The following TENM3 variants were observed in gnomAD, a reference collection of about 807,000 sequenced individuals.
TENM3 encodes teneurin-3.
Under a neutral mutation model 255.1 loss-of-function variants are expected in TENM3, and 63 were observed. The ratio of observed to expected loss-of-function variants is 0.25; its 90% confidence interval spans 0.20 to 0.30. The LOEUF (loss-of-function observed/expected upper bound fraction) is 0.30, where lower values mean the gene tolerates loss of function less well. TENM3 is among the 10% of genes least tolerant of loss of function. The probability of loss-of-function intolerance (pLI) is 1.00; values close to 1 mark genes in which losing one functional copy is unlikely to be tolerated. For missense variants in TENM3, 2,929 were observed against 3,461.1 expected (o/e 0.85, Z 3.86); for synonymous variants, 1,306 against 1,322.3 (o/e 0.99, Z 0.27).
chr4:182,497,721 GTCCATTAGCTGTCAAGT>G (rs1248545908), intron 3 of TENM3, among the ~76,000 whole-genome samples: 1 of 151,882 alleles, frequency 6.6e-6, no homozygotes, highest in East Asian at 1.9e-4. Flanking sequence ...AATCATATCA[GTCCATTAGCTGTCAAGT>G]TTTATTCTTC....
At chr4:181,654,788 G>T in the TENM3 span, among the ~76,000 whole-genome samples, 1 of 147,150 alleles carries the variant, frequency 6.8e-6, no homozygotes, top group Non-Finnish European at 1.5e-5. Context: ...GTGGTCCTCA[G>T]ATCACTCACC....
At chr4:181,495,560 AG>A in the TENM3 span, among the ~76,000 whole-genome samples, 2 of 75,104 alleles carry the variant, frequency 2.7e-5, no homozygotes, top group Non-Finnish European at 6.3e-5. Flanking sequence ...TATACACGAG[AG>A]AGAGAGAGAG....
the TENM3 span, among the ~76,000 whole-genome samples, chr4:182,137,900 C>T: frequency 6.6e-6 from 1 of 152,148 alleles, no homozygotes; most frequent in Non-Finnish European, 1.5e-5. Context: ...CTATAGAATT[C>T]TGTTGTATTC....
the TENM3 span, among the ~76,000 whole-genome samples, chr4:181,653,385 ATTGTT>A: frequency 1.6e-3 from 245 of 150,016 alleles, 1 homozygote; most frequent in African/African-American, 5.1e-3. Context: ...GGTCCAATCC[ATTGTT>A]TTGTTTTGTT....
chr4:182,102,423 C>A, the TENM3 span, among the ~76,000 whole-genome samples: 14 of 152,202 alleles, frequency 9.2e-5, no homozygotes, highest in African/African-American at 3.1e-4. Flanking sequence ...ATTAAGTGAT[C>A]AATTACTGGC....
chr4:182,168,874 A>G (rs187664578), intron 1 of TENM3, among the ~76,000 whole-genome samples: 1 of 152,080 alleles, frequency 6.6e-6, no homozygotes. Flanking sequence ...CTTCTGAAAA[A>G]AATTCATGTA....
chr4:181,600,336 G>C, the TENM3 span, among the ~76,000 whole-genome samples: 3 of 152,094 alleles, frequency 2.0e-5, no homozygotes, highest in Non-Finnish European at 4.4e-5. Flanking sequence ...AGGATAAATG[G>C]AGGCTCGCAC....
intron 3 of TENM3, among the ~76,000 whole-genome samples, chr4:182,598,784 T>G (rs1233326240): frequency 6.6e-6 from 1 of 152,202 alleles, no homozygotes; most frequent in African/African-American, 2.4e-5. Flanking sequence ...ACAATTGCAC[T>G]AAGACCTGGA....
At chr4:182,054,425 T>C in the TENM3 span, among the ~76,000 whole-genome samples, 1 of 152,198 alleles carries the variant, frequency 6.6e-6, no homozygotes, top group South Asian at 2.1e-4. Flanking sequence ...ATTACATAGT[T>C]ACCAAGTGTG....
chr4:182,682,506 TAAGAC>T (rs1181881800), intron 11 of TENM3, among the ~76,000 whole-genome samples: 1 of 152,150 alleles, frequency 6.6e-6, no homozygotes, highest in East Asian at 1.9e-4. Flanking sequence ...ATAATAGAAA[TAAGAC>T]AAGGTAATTT....
chr4:182,417,985 C>A (rs1447962919), intron 3 of TENM3, among the ~76,000 whole-genome samples: 2 of 151,564 alleles, frequency 1.3e-5, no homozygotes, highest in Non-Finnish European at 2.9e-5. Flanking sequence ...TTTTAATATC[C>A]CTAATTTTGA....
chr4:181,935,296 C>T, the TENM3 span, among the ~76,000 whole-genome samples: 1 of 152,338 alleles, frequency 6.6e-6, no homozygotes, highest in East Asian at 1.9e-4. Flanking sequence ...GAAGATGAGA[C>T]AAACATTACA....
chr4:182,680,217 A>C (rs1469039508), intron 8 of TENM3, 31 bp from the exon 9 acceptor site: 15 of 1,494,524 alleles, frequency 1.0e-5, no homozygotes, highest in Non-Finnish European at 1.3e-5. Flanking sequence ...CAGGCTATAC[A>C]ACAAGTGTTC....
In TENM3 at chr4:182,449,465, G is replaced by A. The variant is rs966940730; in HGVS notation, c.511+102536G>A. 1.2e-3 allele frequency among the ~76,000 whole-genome samples: 12 copies of A among 10,382 alleles called. No individual in the cohort carries two copies. The East Asian group carries it at 0.1, about 87-fold the overall frequency. The allele number at this position is 10,382 out of a possible 152,430, so 6.8% of individuals were successfully genotyped here. On this transcript the variant is annotated intron_variant, in intron 3 of 27. Transcript: ENST00000511685. Reference sequence around the variant, plus strand: ...TTGTTCCCGGTATTTTTAATTAGATGGATTTTTTTTTTATGAGTAGTGTAC... The same window carrying A: ...TTGTTCCCGGTATTTTTAATTAGATAGATTTTTTTTTTATGAGTAGTGTAC...
chr4:181,483,330 C>T, the TENM3 span, among the ~76,000 whole-genome samples: 3 of 152,020 alleles, frequency 2.0e-5, no homozygotes, highest in African/African-American at 4.8e-5. Flanking sequence ...CCTTTGTTGT[C>T]GCAATTAGTA....
the TENM3 span, among the ~76,000 whole-genome samples, chr4:181,657,460 C>G: frequency 1.3e-5 from 2 of 151,984 alleles, no homozygotes; most frequent in Non-Finnish European, 2.9e-5. Flanking sequence ...AATCAAAACC[C>G]CAATAAGATA....
At chr4:181,765,731 T>C in the TENM3 span, among the ~76,000 whole-genome samples, 1 of 152,194 alleles carries the variant, frequency 6.6e-6, no homozygotes. Flanking sequence ...TATGTGGAAT[T>C]ATGTTCTGAT....
chr4:182,698,284 A>G (rs550870970), intron 12 of TENM3, among the ~76,000 whole-genome samples: 2 of 152,250 alleles, frequency 1.3e-5, no homozygotes, highest in African/African-American at 4.8e-5. Flanking sequence ...TACTGTTACA[A>G]TCTGTATACT....
chr4:181,536,499 T>C, the TENM3 span, among the ~76,000 whole-genome samples: 9 of 152,338 alleles, frequency 5.9e-5, no homozygotes, highest in Non-Finnish European at 1.0e-4. Context: ...GTTGGAGATA[T>C]TGTCATATCA....
Sources: gnomAD v4.1 joint callset for allele counts (sites outside exome capture counted in the v4.1 genomes callset) on GRCh38, gnomAD v4.1.1 for gene constraint, MANE v1.5 for transcripts, NCBI Gene and HGNC (gene_info 2026-07-23, HGNC 2026-07-21) for gene names.